RBMS3: variants seen among roughly 807,000 people sequenced by gnomAD.
RBMS3 encodes RNA-binding motif, single-stranded-interacting protein 3.
Under a neutral mutation model 66.8 loss-of-function variants are expected in RBMS3, and 27 were observed. The ratio of observed to expected loss-of-function variants is 0.40; its 90% confidence interval spans 0.30 to 0.56. The LOEUF is 0.56. Ranked by LOEUF, RBMS3 falls within the 20% of genes least tolerant of loss-of-function variation. The pLI is 0.40. For missense variants in RBMS3, 513 were observed against 549.5 expected (o/e 0.93, Z 0.66); for synonymous variants, 188 against 183.0 (o/e 1.03, Z -0.22).
chr3:29,474,089 C>T (rs891468820), intron 2 of RBMS3, among the ~76,000 whole-genome samples: 2 of 152,278 alleles, frequency 1.3e-5, no homozygotes, highest in Non-Finnish European at 2.9e-5. Context: ...GCATGAACTA[C>T]CGCGCCCAGC....
intron 4 of RBMS3, among the ~76,000 whole-genome samples, chr3:29,627,863 C>T (rs2049129294): frequency 6.6e-6 from 1 of 152,054 alleles, no homozygotes; most frequent in Non-Finnish European, 1.5e-5. Context: ...CTGTCTAATG[C>T]TCCATTATGT....
At chr3:29,933,259 G>A (rs1439156510) in intron 10 of RBMS3, among the ~76,000 whole-genome samples, 7 of 152,086 alleles carry the variant, frequency 4.6e-5, no homozygotes, top group African/African-American at 7.2e-5. Flanking sequence ...TCAAAGTTAC[G>A]GTTGTGGATA....
At chr3:29,845,838 T>G (rs1364040744) in intron 6 of RBMS3, among the ~76,000 whole-genome samples, 1 of 152,146 alleles carries the variant, frequency 6.6e-6, no homozygotes, top group East Asian at 1.9e-4. Context: ...ATTTTGATAG[T>G]CAGAAATGCC....
At position 29,672,200 on chromosome 3, in the gene RBMS3, A is replaced by T. The variant is rs143582319; in HGVS notation, c.400-67520A>T. Among the ~76,000 whole-genome samples, 20 of 152,330 alleles carry T rather than the reference A, an allele frequency of 1.3e-4. No homozygotes were observed. The East Asian group carries it at 3.9e-3, about 29-fold the overall frequency. ...CCAGCCAAACTAAGCTTCATAAGTG[A>T]AGGAGAAATAAAATTCTTTACAGAC... On this transcript the variant is annotated intron_variant, in intron 4 of 14. Coordinates refer to ENST00000383767, the MANE Select transcript of RBMS3 (RefSeq NM_001003793.3).
chr3:29,877,233 C>A (rs2059630662), intron 7 of RBMS3, among the ~76,000 whole-genome samples: 1 of 152,088 alleles, frequency 6.6e-6, no homozygotes, highest in South Asian at 2.1e-4. Flanking sequence ...AATGTCACCA[C>A]TGTATTGCAG....
At chr3:29,731,163 T>A (rs1164123317) in intron 4 of RBMS3, among the ~76,000 whole-genome samples, 20 of 152,212 alleles carry the variant, frequency 1.3e-4, no homozygotes, top group Admixed American at 1.3e-3. Context: ...TGGGCATTGT[T>A]TCACAATCAG....
intron 6 of RBMS3, among the ~76,000 whole-genome samples, chr3:29,848,556 C>G (rs1490400703): frequency 6.6e-6 from 1 of 152,088 alleles, no homozygotes; most frequent in Non-Finnish European, 1.5e-5. Context: ...CTTTGCATAT[C>G]TGTGAATTGC....
At chr3:29,454,798 C>A (rs2042126189) in intron 2 of RBMS3, among the ~76,000 whole-genome samples, 1 of 152,168 alleles carries the variant, frequency 6.6e-6, no homozygotes, top group South Asian at 2.1e-4. Context: ...TGTAGCCCAA[C>A]ATATAAAACA....
chr3:29,817,192 C>CTTTTTTTTTTTTTTTTTTT (rs373365962), intron 6 of RBMS3, among the ~76,000 whole-genome samples: 1 of 127,226 alleles, frequency 7.9e-6, no homozygotes, highest in Non-Finnish European at 1.6e-5. Flanking sequence ...ATTTTCTTTT[C>CTTTTTTTTTTTTTTTTTTT]TTTTTTTTTT....
chr3:29,854,650 GTAAAGAATGGT>G (rs969554275), intron 6 of RBMS3, among the ~76,000 whole-genome samples: 3 of 81,916 alleles, frequency 3.7e-5, no homozygotes, highest in African/African-American at 1.1e-4. Context: ...AATGGAAAAA[GTAAAGAATGGT>G]TTTACTTTGC....
intron 3 of RBMS3, among the ~76,000 whole-genome samples, chr3:29,566,290 A>G (rs995360695): frequency 6.6e-6 from 1 of 152,190 alleles, no homozygotes; most frequent in Non-Finnish European, 1.5e-5. Flanking sequence ...ACACTAATGG[A>G]GGAGAAGAAT....
chr3:29,892,228 T>C (rs2060016913), intron 8 of RBMS3, among the ~76,000 whole-genome samples: 1 of 151,572 alleles, frequency 6.6e-6, no homozygotes, highest in Non-Finnish European at 1.5e-5. Context: ...TTTCAAAGGC[T>C]AGCTTAGACT....
chr3:29,281,844 AC>A, intron 1 of RBMS3, 88 bp downstream of exon 1: 3 of 1,054,542 alleles, frequency 2.8e-6, no homozygotes, highest in Non-Finnish European at 4.2e-6. Flanking sequence ...TTATTAGTTA[AC>A]CCCCACCCCC....
chr3:29,680,265 T>G (rs2051431366), intron 4 of RBMS3, among the ~76,000 whole-genome samples: 1 of 152,180 alleles, frequency 6.6e-6, no homozygotes, highest in African/African-American at 2.4e-5. Flanking sequence ...ACAAACATGT[T>G]TTTATACTTG....
At position 29,738,792 on chromosome 3, in the gene RBMS3, T is replaced by A. The variant is rs373417382; in HGVS notation, c.400-928T>A. Among the ~76,000 whole-genome samples, 25 of 152,282 alleles carry A rather than the reference T, an allele frequency of 1.6e-4. No homozygotes were observed. The South Asian group carries it at 4.8e-3, about 29-fold the overall frequency. ...TTCCCAGGTGAGGCTAAGGCTAATG[T>A]TGCATTTCTGGGACTATACTTTGAG... On this transcript the variant is annotated intron_variant, in intron 4 of 14. Coordinates refer to ENST00000383767, the MANE Select transcript of RBMS3 (RefSeq NM_001003793.3).
chr3:29,687,522 T>C (rs1174230908), intron 4 of RBMS3, among the ~76,000 whole-genome samples: 3 of 152,226 alleles, frequency 2.0e-5, no homozygotes, highest in South Asian at 2.1e-4. Context: ...TGTTTCATAT[T>C]TGACACAAGC....
intron 1 of RBMS3, among the ~76,000 whole-genome samples, chr3:29,395,612 A>C (rs992828732): frequency 1.3e-5 from 2 of 152,186 alleles, no homozygotes; most frequent in Non-Finnish European, 2.9e-5. Flanking sequence ...AAAATGTTCC[A>C]CTTTCAAAAG....
intron 6 of RBMS3, among the ~76,000 whole-genome samples, chr3:29,801,474 G>A (rs1332826479): frequency 2.0e-5 from 3 of 151,916 alleles, no homozygotes; most frequent in Middle Eastern, 3.4e-3. Flanking sequence ...CACCATATTG[G>A]CCAGGCTGGT....
intron 12 of RBMS3, among the ~76,000 whole-genome samples, chr3:29,979,185 T>C (rs6802381): frequency 2.8e-5 from 4 of 144,404 alleles, no homozygotes; most frequent in African/African-American, 5.8e-5. Flanking sequence ...ACAACAACAA[T>C]GACAAAACTG....
Sources: allele counts gnomAD v4.1 joint callset (sites outside exome capture counted in the v4.1 genomes callset), GRCh38; gene constraint gnomAD v4.1.1; transcripts MANE v1.5; gene names NCBI Gene and HGNC (gene_info 2026-07-23, HGNC 2026-07-21).